The following ALPK1 variants were observed in gnomAD, a reference collection of about 807,000 sequenced individuals.
The protein encoded by ALPK1 is alpha kinase 1.
A neutral mutation model predicts 120.6 loss-of-function variants in ALPK1; 110 were observed. That is an observed-to-expected ratio of 0.91 (90% CI 0.78 to 1.07). The LOEUF is 1.07. Ranked by LOEUF, ALPK1 falls within the 50% of genes least tolerant of loss-of-function variation. The pLI, the probability that ALPK1 is intolerant of heterozygous loss-of-function variation, is 0.00. For synonymous variants in ALPK1, 582 were observed against 560.3 expected, an observed-to-expected ratio of 1.04 and a Z score of -0.55; for missense variants, 1,498 against 1,483.9, an observed-to-expected ratio of 1.01 and a Z score of -0.16.
At chr4:112,397,128 T>C (rs979768222) in intron 4 of ALPK1, among the ~76,000 whole-genome samples, 1 of 152,204 alleles carries the variant, frequency 6.6e-6, no homozygotes, top group Non-Finnish European at 1.5e-5. Context: ...AGTCTAAAGG[T>C]TAAGTAACAT....
intron 4 of ALPK1, among the ~76,000 whole-genome samples, chr4:112,411,405 A>G (rs1733452654): frequency 6.6e-6 from 1 of 152,042 alleles, no homozygotes; most frequent in Non-Finnish European, 1.5e-5. Context: ...TTGTATTTTT[A>G]GTAGAGATGG....
intron 1 of ALPK1, among the ~76,000 whole-genome samples, chr4:112,305,112 T>TCTGTTTTGGTACCAGTACCATG (rs1727976725): frequency 6.6e-6 from 1 of 152,106 alleles, no homozygotes; most frequent in Non-Finnish European, 1.5e-5. Context: ...GATCTATATC[T>TCTGTTTTGGTACCAGTACCATG]CTGTTTTGGT....
chr4:112,304,268 A>G (rs1204568814), intron 1 of ALPK1, among the ~76,000 whole-genome samples: 1 of 152,058 alleles, frequency 6.6e-6, no homozygotes, highest in Non-Finnish European at 1.5e-5. Context: ...TATACCCAGT[A>G]ATGGGATGGC....
intron 4 of ALPK1, among the ~76,000 whole-genome samples, chr4:112,391,862 A>G (rs1037976546): frequency 6.6e-6 from 1 of 152,222 alleles, no homozygotes; most frequent in East Asian, 1.9e-4. Context: ...TACCAAGTGC[A>G]TATGTGTAAG....
At chr4:112,329,127 A>G (rs1729246960) in intron 2 of ALPK1, among the ~76,000 whole-genome samples, 1 of 152,214 alleles carries the variant, frequency 6.6e-6, no homozygotes, top group Non-Finnish European at 1.5e-5. Context: ...GAAAATGTTG[A>G]ATGAATGAAA....
At chr4:112,377,942 ACT>A in intron 3 of ALPK1, 44 bp downstream of exon 3, 1 of 1,569,348 alleles carries the variant, frequency 6.4e-7, no homozygotes, top group Middle Eastern at 2.1e-4. Context: ...CAGCAGGTTC[ACT>A]CTCCTGTCCC....
In ALPK1 at chr4:112,382,384, T is replaced by C. The variant is rs778609450; in HGVS notation, c.122-14T>C. 2 of 1,573,398 alleles carry C rather than the reference T, an allele frequency of 1.3e-6. No individual in the cohort carries two copies. Among genetic ancestry groups the C allele is most frequent in the African/African-American group, 2.8e-5 (2 of 71,970 alleles). On this transcript the variant is annotated splice_polypyrimidine_tract_variant and intron_variant, in intron 3 of 15. Coordinates refer to ENST00000650871, the MANE Select transcript of ALPK1 (RefSeq NM_025144.4). ...TTGACTGCAATTTCCTTACCTGAACTCTGACCTTTTCAGCTTTACTCCCCA... is the reference window on the plus strand; with the variant it reads ...TTGACTGCAATTTCCTTACCTGAACCCTGACCTTTTCAGCTTTACTCCCCA...
At position 112,372,246 on chromosome 4, in the gene ALPK1, C is replaced by A. The variant is rs140388403; in HGVS notation, c.-100-5432C>A. Among the ~76,000 whole-genome samples, 412 of 148,506 alleles carry A rather than the reference C, an allele frequency of 2.8e-3. 4 individuals are homozygous for A. Among genetic ancestry groups the A allele is most frequent in the Admixed American group, 0.015 (224 of 14,838 alleles). On this transcript the variant is annotated intron_variant, in intron 2 of 15. Transcript: ENST00000650871. Reference sequence around the variant, plus strand: ...TTTTTTCTTTTGAGATGGAGTCTTGCTCTGTCGCTCAGGCTGGAGTGCAGT... The same window carrying A: ...TTTTTTCTTTTGAGATGGAGTCTTGATCTGTCGCTCAGGCTGGAGTGCAGT...
intron 2 of ALPK1, among the ~76,000 whole-genome samples, chr4:112,363,671 A>C (rs1052707419): frequency 6.6e-6 from 1 of 152,222 alleles, no homozygotes; most frequent in Non-Finnish European, 1.5e-5. Flanking sequence ...CAACAAGGCA[A>C]CAATGGATTT....
intron 2 of ALPK1, chr4:112,356,371 C>G: frequency 1.2e-6 from 1 of 839,534 alleles, no homozygotes; most frequent in Non-Finnish European, 2.1e-6. Context: ...GGGAGCTTCT[C>G]TCAGATCAGG....
At chr4:112,358,960 C>T in intron 2 of ALPK1, 1 of 768,974 alleles carries the variant, frequency 1.3e-6, no homozygotes, top group Non-Finnish European at 2.4e-6. Flanking sequence ...TTTGTGCAGC[C>T]CCACCACAAG....
chr4:112,312,433 T>C (rs1174745935), intron 1 of ALPK1, among the ~76,000 whole-genome samples: 1 of 152,060 alleles, frequency 6.6e-6, no homozygotes, highest in Non-Finnish European at 1.5e-5. Flanking sequence ...CCACCACGCC[T>C]GGCTAATTTT....
rs746813098 is a variant in ALPK1 at position 112,426,453 on chromosome 4, C to T, written c.623-14C>T. On this transcript the variant is annotated splice_polypyrimidine_tract_variant and intron_variant, in intron 7 of 15. Transcript: ENST00000650871. Reference sequence around the variant, plus strand: ...CTCCCCTGTCCCTCTCCCCGCCCCTCTTTTTTTTTTCAGGGATGTGGTACG... The same window carrying T: ...CTCCCCTGTCCCTCTCCCCGCCCCTTTTTTTTTTTTCAGGGATGTGGTACG... 6 of 1,451,294 alleles carry T rather than the reference C, an allele frequency of 4.1e-6. No individual in the cohort carries two copies. The highest frequency in any genetic ancestry group is 1.9e-5 in the Admixed American group (1 of 53,990). The allele number at this position is 1,451,294 out of a possible 1,614,324, so 89.9% of individuals were successfully genotyped here. A position where few individuals can be genotyped will look rare whatever the true frequency, so the allele number is the denominator to read the frequency against.
At chr4:112,305,711 T>C (rs1728018761) in intron 1 of ALPK1, among the ~76,000 whole-genome samples, 1 of 152,002 alleles carries the variant, frequency 6.6e-6, no homozygotes, top group African/African-American at 2.4e-5. Context: ...CAATTTGACT[T>C]CCTCTTTTCC....
rs565630360 is a variant in ALPK1 at position 112,432,500 on chromosome 4, G to T, written c.2953G>T (p.Ala985Ser). 1.5e-5 allele frequency: 25 copies of T among 1,614,170 alleles called. No homozygotes were observed. In the East Asian group the frequency reaches 4.9e-4, roughly 32 times the overall value. Residue 985 changes from alanine (A) to serine (S), a missense_variant, in exon 11 of 16, where the codon GCA (alanine) becomes TCA (serine). Transcript: ENST00000650871. ...LQPDDFEKLL[A>S]GVRHDWLFQR... ...ACCTGATGACTTTGAAAAGCTGTTG[G>T]CAGGAGTGAGGCATGATTGGCTGTT...
At chr4:112,414,805 C>T (rs1164760350) in intron 5 of ALPK1, 2 of 153,932 alleles carry the variant, frequency 1.3e-5, no homozygotes, top group African/African-American at 4.8e-5. Context: ...TTTGTAGGTA[C>T]CTGAAACATA....
At chr4:112,320,530 T>A (rs1269440134) in intron 2 of ALPK1, among the ~76,000 whole-genome samples, 1 of 152,144 alleles carries the variant, frequency 6.6e-6, no homozygotes, top group African/African-American at 2.4e-5. Context: ...CCTTTCCTGG[T>A]TTTGATGTTA....
At chr4:112,315,881 A>T (rs1728612711) in intron 2 of ALPK1, 29 bp downstream of exon 2, 1 of 152,232 alleles carries the variant, frequency 6.6e-6, no homozygotes, top group Non-Finnish European at 1.5e-5. Context: ...CTTTTGAGTT[A>T]AGTTATTTTT....
At chr4:112,422,656 G>A (rs1401951739) in intron 5 of ALPK1, among the ~76,000 whole-genome samples, 2 of 152,250 alleles carry the variant, frequency 1.3e-5, no homozygotes, top group Non-Finnish European at 2.9e-5. Flanking sequence ...GCTTAAAACA[G>A]TAATAATTCA....
Sources: allele counts gnomAD v4.1 joint callset (sites outside exome capture counted in the v4.1 genomes callset), GRCh38; gene constraint gnomAD v4.1.1; transcripts MANE v1.5; gene names NCBI Gene and HGNC (gene_info 2026-07-23, HGNC 2026-07-21).